The following AFAP1 variants were observed in gnomAD, a reference collection of about 807,000 sequenced individuals.
The protein encoded by AFAP1 is actin filament-associated protein 1.
Under a neutral mutation model 93.9 loss-of-function variants are expected in AFAP1, and 75 were observed. The observed-to-expected ratio is 0.80, with a 90% CI of 0.66 to 0.97. The LOEUF (loss-of-function observed/expected upper bound fraction) is 0.97, where lower values mean the gene tolerates loss of function less well. Ranked by LOEUF, AFAP1 falls within the 50% of genes least tolerant of loss-of-function variation. The pLI is 0.00. For synonymous variants in AFAP1, 517 were observed against 430.7 expected (o/e 1.20, Z -2.48); for missense variants, 1,201 against 1,050.8 (o/e 1.14, Z -1.98).
chr4:7,801,470 C>T (rs1322370871), intron 9 of AFAP1, among the ~76,000 whole-genome samples: 1 of 151,894 alleles, frequency 6.6e-6, no homozygotes, highest in African/African-American at 2.4e-5. Flanking sequence ...GAAATGGACA[C>T]TTTTCACTTG....
intron 1 of AFAP1, among the ~76,000 whole-genome samples, chr4:7,920,010 G>A (rs940775222): frequency 6.6e-6 from 1 of 152,174 alleles, no homozygotes; most frequent in African/African-American, 2.4e-5. Flanking sequence ...ATTCCATGGT[G>A]TGTATGTACC....
At chr4:7,883,630 C>T (rs752872714) in intron 1 of AFAP1, among the ~76,000 whole-genome samples, 12 of 152,048 alleles carry the variant, frequency 7.9e-5, no homozygotes, top group Non-Finnish European at 1.3e-4. Context: ...AAGCAGGAGA[C>T]GTGAAAACTG....
intron 1 of AFAP1, among the ~76,000 whole-genome samples, chr4:7,908,113 G>A (rs1049551861): frequency 1.3e-5 from 2 of 152,094 alleles, no homozygotes; most frequent in African/African-American, 4.8e-5. Context: ...TCAGGAGGCT[G>A]AGGCACGAGA....
rs1377260963 is a variant in AFAP1 at position 7,768,894 on chromosome 4, C to T, written c.2368G>A (p.Ala790Thr). 1.2e-6 allele frequency: 2 copies of T among 1,612,098 alleles called. No individual in the cohort carries two copies. Among genetic ancestry groups the T allele is most frequent in the South Asian group, 1.1e-5 (1 of 90,980 alleles). The change falls in exon 17 of 18, where the codon GCT becomes ACT. Residue 790 changes from alanine to threonine, a missense_variant. Ala to Thr is a moderately conservative substitution (Grantham distance 58, BLOSUM62 0). Transcript: ENST00000420658. The stretch of plus-strand genomic sequence containing the variant: ...CGGCAGGGGGAGCTGCCCGGGGCAG[C>T]CTGGCTCTTCTTCAAGACGGCCGCG... ...NSAAVLKKSQAAPGSSPCRGH... is the reference protein window; with the variant it reads ...NSAAVLKKSQTAPGSSPCRGH...
Position 7,759,685 on chromosome 4 carries a change from A to G in AFAP1, c.*4080T>C, listed in dbSNP as rs904222110. 2 of 152,636 alleles carry G rather than the reference A, an allele frequency of 1.3e-5. No individual in the cohort carries two copies. Among genetic ancestry groups the G allele is most frequent in the African/African-American group, 2.4e-5 (1 of 41,474 alleles). 9.5% of individuals were successfully genotyped at this position (152,636 alleles called of 1,614,324 possible). The stretch of plus-strand genomic sequence containing the variant: ...CAATAGTTTAGTTTAACATTGAAAC[A>G]TTGCCACGACCTTTATGTAAGCTGC... On this transcript the variant is annotated 3_prime_UTR_variant, in exon 18 of 18. Coordinates refer to ENST00000420658, the MANE Select transcript of AFAP1 (RefSeq NM_001134647.2).
chr4:7,867,124 AGGGG>A (rs1716508140), intron 3 of AFAP1, among the ~76,000 whole-genome samples: 1 of 16,352 alleles, frequency 6.1e-5, no homozygotes, highest in Non-Finnish European at 1.5e-4. Flanking sequence ...AGGGGAGGGT[AGGGG>A]AGCGGAGGGG....
chr4:7,792,239 C>T (rs946476577), intron 11 of AFAP1, among the ~76,000 whole-genome samples: 11 of 152,122 alleles, frequency 7.2e-5, no homozygotes, highest in Admixed American at 2.6e-4. Context: ...GCAGATCAAT[C>T]GACTCACATT....
chr4:7,838,104 G>A (rs966146743), intron 6 of AFAP1, among the ~76,000 whole-genome samples: 1 of 152,160 alleles, frequency 6.6e-6, no homozygotes, highest in African/African-American at 2.4e-5. Flanking sequence ...TGTAGTCTCA[G>A]GGAAGAAGGA....
At chr4:7,862,642 G>A (rs1715867608) in intron 3 of AFAP1, among the ~76,000 whole-genome samples, 1 of 152,148 alleles carries the variant, frequency 6.6e-6, no homozygotes, top group African/African-American at 2.4e-5. Context: ...GCTATAATCT[G>A]CTGGCATAAA....
chr4:7,848,221 G>GGGACGGAT (rs1553846064), intron 4 of AFAP1, among the ~76,000 whole-genome samples: 1 of 107,224 alleles, frequency 9.3e-6, no homozygotes, highest in African/African-American at 3.7e-5. Flanking sequence ...GAGGGAGGGA[G>GGGACGGAT]GGAGGGACGG....
intron 6 of AFAP1, among the ~76,000 whole-genome samples, chr4:7,834,297 A>G (rs1447078635): frequency 6.6e-6 from 1 of 152,232 alleles, no homozygotes; most frequent in Non-Finnish European, 1.5e-5. Context: ...GAGGATGCAA[A>G]GGCATAAGAA....
intron 6 of AFAP1, among the ~76,000 whole-genome samples, chr4:7,830,544 A>G (rs7682611): frequency 0.83 from 125,519 of 152,120 alleles, 52,097 homozygotes; most frequent in African/African-American, 0.9. Context: ...ATTCTAAAAC[A>G]TGAATAAAGT....
chr4:7,763,931 C>G lies in AFAP1; in HGVS notation c.2419-140G>C, dbSNP rs139839557. 572 of 769,344 alleles carry G rather than the reference C, an allele frequency of 7.4e-4. 4 individuals carry two copies. The East Asian group carries it at 0.015, about 20-fold the overall frequency. The allele number at this position is 769,344 out of a possible 1,614,324, so 47.7% of individuals were successfully genotyped here. A position where few individuals can be genotyped will look rare whatever the true frequency, so the allele number is the denominator to read the frequency against. On this transcript the variant is annotated intron_variant, in intron 17 of 17. Coordinates refer to ENST00000420658, the MANE Select transcript of AFAP1 (RefSeq NM_001134647.2). ...CTCAACAGAATCAATGACCAATGAC[C>G]CGGCAATTCCACTGCTAGGTATTCA...
chr4:7,827,586 AAAAAG>A (rs1471607230), intron 6 of AFAP1, among the ~76,000 whole-genome samples: 19 of 149,154 alleles, frequency 1.3e-4, no homozygotes, highest in Non-Finnish European at 2.2e-4. Flanking sequence ...AAAAAAAAAA[AAAAAG>A]GGAGAGGAGA....
intron 9 of AFAP1, among the ~76,000 whole-genome samples, chr4:7,809,063 GT>G (rs10707304): frequency 0.64 from 95,080 of 148,846 alleles, 32,686 homozygotes; most frequent in African/African-American, 0.9. Flanking sequence ...TTTTGTTTTT[GT>G]TTTTTTTTTT....
At chr4:7,915,438 G>A (rs1288777315) in intron 1 of AFAP1, among the ~76,000 whole-genome samples, 1 of 151,134 alleles carries the variant, frequency 6.6e-6, no homozygotes, top group African/African-American at 2.4e-5. Context: ...AGGACTGCTT[G>A]AGCCTAGACC....
chr4:7,889,817 C>A (rs28858823), intron 1 of AFAP1, among the ~76,000 whole-genome samples: 17,174 of 149,104 alleles, frequency 0.12, 1,144 homozygotes, highest in Non-Finnish European at 0.16. Context: ...AGTATGTAAA[C>A]AATCTATAAA....
At chr4:7,928,595 C>T (rs1381686064) in intron 1 of AFAP1, among the ~76,000 whole-genome samples, 2 of 152,186 alleles carry the variant, frequency 1.3e-5, no homozygotes, top group Non-Finnish European at 2.9e-5. Context: ...ACCATATTGG[C>T]CAGGCTGGTC....
chr4:7,875,505 G>A (rs1717442479), intron 1 of AFAP1, among the ~76,000 whole-genome samples: 1 of 152,030 alleles, frequency 6.6e-6, no homozygotes, highest in South Asian at 2.1e-4. Flanking sequence ...TGTAATCCCA[G>A]CACTTTGAGA....
Sources: gnomAD v4.1 joint callset for allele counts (sites outside exome capture counted in the v4.1 genomes callset) on GRCh38, gnomAD v4.1.1 for gene constraint, MANE v1.5 for transcripts, NCBI Gene and HGNC (gene_info 2026-07-23, HGNC 2026-07-21) for gene names.